The following LMF1 variants were observed in gnomAD, a reference collection of about 807,000 sequenced individuals.
LMF1 encodes the protein transmembrane protein 112.
A neutral mutation model predicts 60.6 loss-of-function variants in LMF1; 68 were observed. The ratio of observed to expected loss-of-function variants is 1.12; its 90% confidence interval spans 0.92 to 1.37. The LOEUF is 1.37. LMF1 is among the 40% of genes most tolerant of loss of function. LMF1 has a pLI of 0.00. For missense variants in LMF1, 948 were observed against 767.2 expected, an observed-to-expected ratio of 1.24 and a Z score of -2.78; for synonymous variants, 418 against 324.7, an observed-to-expected ratio of 1.29 and a Z score of -3.09.
intron 1 of LMF1, chr16:981,039 G>A: frequency 4.5e-6 from 1 of 222,290 alleles, no homozygotes; most frequent in South Asian, 4.1e-5. Context: ...CAGCTGGCCG[G>A]CCCCCGGGAC....
At chr16:885,843 G>C (rs1442932930) in intron 5 of LMF1, among the ~76,000 whole-genome samples, 1 of 152,180 alleles carries the variant, frequency 6.6e-6, no homozygotes, top group African/African-American at 2.4e-5. Context: ...ACGTACAGAA[G>C]AGTTGAAAAA....
intron 5 of LMF1, among the ~76,000 whole-genome samples, chr16:882,278 G>A (rs2070182533): frequency 6.6e-6 from 1 of 152,240 alleles, no homozygotes; most frequent in South Asian, 2.1e-4. Flanking sequence ...AGTGGCCACT[G>A]CCCCTCCTGA....
upstream of LMF1, among the ~76,000 whole-genome samples, chr16:972,425 G>A (rs1038129481): frequency 6.6e-6 from 1 of 152,122 alleles, no homozygotes; most frequent in African/African-American, 2.4e-5. Context: ...CCTGGCTGGC[G>A]CCCGGCACCC....
At chr16:910,232 G>GT (rs2071072930) in intron 4 of LMF1, among the ~76,000 whole-genome samples, 1 of 152,214 alleles carries the variant, frequency 6.6e-6, no homozygotes, top group Admixed American at 6.5e-5. Flanking sequence ...TGAACAGGGG[G>GT]TTGGCATGTG....
At chr16:877,934 TCAA>T (rs778044108) in intron 6 of LMF1, among the ~76,000 whole-genome samples, 3 of 151,824 alleles carry the variant, frequency 2.0e-5, no homozygotes, top group Admixed American at 1.3e-4. Flanking sequence ...ATTTACAACA[TCAA>T]CAAAAAGAAG....
At chr16:924,886 G>A (rs1034915870) in intron 3 of LMF1, among the ~76,000 whole-genome samples, 1 of 152,262 alleles carries the variant, frequency 6.6e-6, no homozygotes, top group Non-Finnish European at 1.5e-5. Flanking sequence ...AAGGGAGAGT[G>A]AGGAAAAGGA....
At chr16:892,865 A>C in intron 5 of LMF1, 142 bp downstream of exon 5, 10 of 597,370 alleles carry the variant, frequency 1.7e-5, no homozygotes, top group Admixed American at 3.1e-5. Flanking sequence ...CCGTGAAGGG[A>C]GGGAGAGGAC....
At chr16:972,158 G>A (rs1389564839), upstream of LMF1, among the ~76,000 whole-genome samples, 1 of 152,182 alleles carries the variant, frequency 6.6e-6, no homozygotes, top group Non-Finnish European at 1.5e-5. Flanking sequence ...GCAGTGGCCC[G>A]AGCTTCCTCT....
chr16:896,570 G>T (rs187218813), intron 4 of LMF1, among the ~76,000 whole-genome samples: 1 of 152,160 alleles, frequency 6.6e-6, no homozygotes, highest in Non-Finnish European at 1.5e-5. Context: ...GAAAACAGCC[G>T]AGGGTGTCCA....
At chr16:944,440 T>C (rs1193188060) in intron 2 of LMF1, among the ~76,000 whole-genome samples, 3 of 152,248 alleles carry the variant, frequency 2.0e-5, no homozygotes, top group African/African-American at 7.2e-5. Context: ...TCAACTCTGA[T>C]CCCTGCCTCC....
At chr16:929,522 G>A (rs1038827354) in intron 3 of LMF1, among the ~76,000 whole-genome samples, 7 of 152,202 alleles carry the variant, frequency 4.6e-5, no homozygotes, top group African/African-American at 1.4e-4. Context: ...GGGTCCTCTC[G>A]GGTTCCCGCA....
chr16:892,129 G>A (rs1476914201), intron 5 of LMF1, among the ~76,000 whole-genome samples: 3 of 152,362 alleles, frequency 2.0e-5, no homozygotes, highest in South Asian at 4.1e-4. Context: ...GCGTGAGGAC[G>A]GTGCCAGCTC....
chr16:978,045 CACACACAA>C (rs1460308446), intron 1 of LMF1, among the ~76,000 whole-genome samples: 1 of 36,180 alleles, frequency 2.8e-5, no homozygotes, highest in African/African-American at 4.0e-4. Context: ...ACACATCACA[CACACACAA>C]ACACACCCAC....
chr16:928,758 C>T (rs1393015636), intron 3 of LMF1, among the ~76,000 whole-genome samples: 6 of 151,558 alleles, frequency 4.0e-5, no homozygotes, highest in African/African-American at 7.3e-5. Context: ...CACGCCCCCA[C>T]GGGCCCATCC....
chr16:937,350 T>A (rs2151791078), intron 2 of LMF1, among the ~76,000 whole-genome samples: 1 of 152,348 alleles, frequency 6.6e-6, no homozygotes, highest in Non-Finnish European at 1.5e-5. Flanking sequence ...GAAACTCAAG[T>A]CCTTTCCTGG....
rs539031931 is a variant in LMF1, at chr16:970,478, C to A, written c.193+310G>T. Among the ~76,000 whole-genome samples, 6 of 152,306 alleles carry A rather than the reference C, an allele frequency of 3.9e-5. No homozygotes were observed. In the South Asian group the frequency reaches 1.2e-3, roughly 32 times the overall value. On this transcript the variant is annotated intron_variant, in intron 1 of 10. Coordinates refer to ENST00000262301, the MANE Select transcript of LMF1 (RefSeq NM_022773.4). ...ACTCCTGGGCCAGGGCCCGGGCCGG[C>A]CCCGCCTCGCATAGCCCCGAGCCGG...
At chr16:864,961 T>C (rs1441789547) in intron 10 of LMF1, among the ~76,000 whole-genome samples, 4 of 152,220 alleles carry the variant, frequency 2.6e-5, no homozygotes, top group African/African-American at 7.2e-5. Flanking sequence ...ACCATTTACA[T>C]TGAATATACA....
At chr16:898,371 G>C in intron 4 of LMF1, among the ~76,000 whole-genome samples, 1 of 152,244 alleles carries the variant, frequency 6.6e-6, no homozygotes, top group Non-Finnish European at 1.5e-5. Context: ...CACGCTGCGG[G>C]CAGGGGCACT....
intron 3 of LMF1, among the ~76,000 whole-genome samples, chr16:928,714 A>C (rs1337393014): frequency 1.2e-4 from 10 of 81,648 alleles, no homozygotes; most frequent in South Asian, 9.0e-4. Flanking sequence ...CCACATCCCC[A>C]CGGGCCCACC....
Sources: allele counts gnomAD v4.1 joint callset (sites outside exome capture counted in the v4.1 genomes callset), GRCh38; gene constraint gnomAD v4.1.1; transcripts MANE v1.5; gene names NCBI Gene and HGNC (gene_info 2026-07-23, HGNC 2026-07-21).